The following MS4A15 variants were observed in gnomAD, a reference collection of about 807,000 sequenced individuals.
MS4A15 encodes the protein membrane-spanning 4-domains subfamily A member 15.
Under a neutral mutation model 20.6 loss-of-function variants are expected in MS4A15, and 22 were observed. That is an observed-to-expected ratio of 1.07 (90% CI 0.76 to 1.52). The LOEUF is 1.52. Ranked by LOEUF, MS4A15 falls within the 40% of genes most tolerant of loss-of-function variation. The pLI is 0.00. For synonymous variants in MS4A15, 129 were observed against 129.3 expected, an observed-to-expected ratio of 1.00 and a Z score of 0.02; for missense variants, 312 against 323.0, an observed-to-expected ratio of 0.97 and a Z score of 0.26.
At chr11:60,775,035 G>A (rs548050330) in intron 6 of MS4A15, among the ~76,000 whole-genome samples, 1 of 152,326 alleles carries the variant, frequency 6.6e-6, no homozygotes, top group East Asian at 1.9e-4. Flanking sequence ...GAACAGCAGA[G>A]CCGGACGTGG....
At chr11:60,770,609 TAA>T (rs780040224) in intron 3 of MS4A15, among the ~76,000 whole-genome samples, 1 of 133,966 alleles carries the variant, frequency 7.5e-6, no homozygotes, top group Admixed American at 7.4e-5. Context: ...GAAAATAAAA[TAA>T]AAAAAAAAAA....
At chr11:60,767,504 G>A (rs1368764532) in intron 2 of MS4A15, 29 bp from the exon 3 acceptor site, 7 of 1,486,982 alleles carry the variant, frequency 4.7e-6, no homozygotes, top group Non-Finnish European at 5.4e-6. Flanking sequence ...AACAGGGCCC[G>A]CGGCACTGAG....
At chr11:60,774,083 G>A (rs1005163103) in intron 6 of MS4A15, 133 bp downstream of exon 6, 14 of 688,126 alleles carry the variant, frequency 2.0e-5, no homozygotes, top group East Asian at 8.2e-5. Flanking sequence ...AAGAGACAGC[G>A]CTAGGAAGGG....
intron 4 of MS4A15, 100 bp from the exon 5 acceptor site, chr11:60,773,292 G>A (rs1417195798): frequency 3.3e-6 from 3 of 901,074 alleles, no homozygotes; most frequent in African/African-American, 1.7e-5. Flanking sequence ...CTTGGCTGTG[G>A]GAGGCAGCGT....
At chr11:60,773,274 A>T (rs545437465) in intron 4 of MS4A15, 118 bp from the exon 5 acceptor site, 50 of 714,138 alleles carry the variant, frequency 7.0e-5, no homozygotes, top group Non-Finnish European at 1.1e-4. Context: ...TGGTGTGGCC[A>T]CTGCCTCCTT....
rs768899225 is a variant in MS4A15, at chr11:60,775,670, G to A, written c.678G>A (p.Ala226=). ...ACATCCCCAGCCCGGCAGCCTCTGCGCCCCCTGCCTATGACAATGTGGCAT... is the reference window on the plus strand; with the variant it reads ...ACATCCCCAGCCCGGCAGCCTCTGCACCCCCTGCCTATGACAATGTGGCAT... The part of the protein sequence containing the change: ...DFNIPSPAAS[A]PPAYDNVAYA... Residue 226 remains alanine, a synonymous_variant, in exon 7 of 7, where the codon GCG becomes GCA. Transcript: ENST00000405633. 6.2e-6 allele frequency: 10 copies of A among 1,613,672 alleles called. No individual in the cohort carries two copies. The African/African-American group carries it at 1.1e-4, about 17-fold the overall frequency.
intron 5 of MS4A15, 65 bp from the exon 6 acceptor site, chr11:60,773,772 C>G: frequency 7.2e-7 from 1 of 1,384,190 alleles, no homozygotes; most frequent in South Asian, 1.2e-5. Context: ...GCAAGTGGTT[C>G]TCACTCGGGG....
chr11:60,757,090 A>G (rs1853616722), intron 1 of MS4A15, 32 bp downstream of exon 1: 1 of 152,228 alleles, frequency 6.6e-6, no homozygotes, highest in African/African-American at 2.4e-5. Context: ...CGTCAGGAGG[A>G]TGGGACCCAC....
At chr11:60,773,279 C>A in intron 4 of MS4A15, 113 bp from the exon 5 acceptor site, 1 of 767,104 alleles carries the variant, frequency 1.3e-6, no homozygotes, top group Non-Finnish European at 2.1e-6. Flanking sequence ...TGGCCACTGC[C>A]TCCTTGGCTG....
chr11:60,765,981 C>A lies in MS4A15; in HGVS notation c.226-1552C>A, dbSNP rs572184847. On this transcript the variant is annotated intron_variant, in intron 2 of 6. Coordinates refer to ENST00000405633, the MANE Select transcript of MS4A15 (RefSeq NM_001098835.2). The stretch of plus-strand genomic sequence containing the variant: ...TATGGAATGCCACCCGCTAAGAATA[C>A]CACTGCAGACTTAGCTGGCCTGCCG... 2.0e-5 allele frequency among the ~76,000 whole-genome samples: 3 copies of A among 152,264 alleles called. No homozygotes were observed. The South Asian group carries it at 6.2e-4, about 32-fold the overall frequency.
At chr11:60,766,017 G>A (rs2134712261) in intron 2 of MS4A15, among the ~76,000 whole-genome samples, 1 of 152,316 alleles carries the variant, frequency 6.6e-6, no homozygotes. Flanking sequence ...CCTCATAGCT[G>A]GGACACTTCG....
intron 6 of MS4A15, among the ~76,000 whole-genome samples, chr11:60,774,665 A>G (rs1854138269): frequency 6.6e-6 from 1 of 152,206 alleles, no homozygotes; most frequent in Admixed American, 6.5e-5. Flanking sequence ...AGAGATGGAA[A>G]TTAAGCTTTG....
intron 4 of MS4A15, 191 bp downstream of exon 4, chr11:60,771,538 G>A: frequency 6.5e-7 from 1 of 1,533,078 alleles, no homozygotes; most frequent in Non-Finnish European, 8.7e-7. Context: ...AAGAAGACAG[G>A]GATACTCTTT....
chr11:60,771,445 C>G (rs770168785), intron 4 of MS4A15, 98 bp downstream of exon 4: 1 of 1,571,074 alleles, frequency 6.4e-7, no homozygotes, highest in Non-Finnish European at 8.6e-7. Context: ...CAGCTCATTC[C>G]CCAGCACTTC....
chr11:60,768,198 G>GA (rs1322499347), intron 3 of MS4A15, among the ~76,000 whole-genome samples: 74 of 150,254 alleles, frequency 4.9e-4, no homozygotes, highest in Non-Finnish European at 7.6e-4. Flanking sequence ...ATCTCAAAAA[G>GA]AAAAAAAAAG....
rs553526894 is a variant in MS4A15, at chr11:60,764,677, G to A, written c.225+719G>A. Among the ~76,000 whole-genome samples the A allele has an allele frequency of 4.6e-5, 7 of 152,326 alleles. No homozygotes were observed. In the South Asian group the frequency reaches 6.2e-4, roughly 14 times the overall value. Reference sequence around the variant, plus strand: ...TGTAATCCCAGCACTTTGGGAGGCCGAGGCAGGCAGATCATGAAGTCAGGA... The same window carrying A: ...TGTAATCCCAGCACTTTGGGAGGCCAAGGCAGGCAGATCATGAAGTCAGGA... On this transcript the variant is annotated intron_variant, in intron 2 of 6. Coordinates refer to ENST00000405633, the MANE Select transcript of MS4A15 (RefSeq NM_001098835.2).
intron 1 of MS4A15, among the ~76,000 whole-genome samples, chr11:60,760,251 A>T (rs1184823808): frequency 1.3e-5 from 2 of 152,210 alleles, no homozygotes; most frequent in African/African-American, 4.8e-5. Context: ...ATTCAAGCTG[A>T]TCATGCTTTT....
intron 5 of MS4A15, 48 bp downstream of exon 5, chr11:60,773,532 C>A: frequency 1.3e-6 from 2 of 1,537,062 alleles, no homozygotes; most frequent in Non-Finnish European, 1.8e-6. Context: ...GAAAATGATG[C>A]AGCCATGTCC....
intron 4 of MS4A15, among the ~76,000 whole-genome samples, chr11:60,772,603 G>T (rs1277376884): frequency 6.6e-6 from 1 of 152,200 alleles, no homozygotes; most frequent in African/African-American, 2.4e-5. Context: ...CCTCCTGATT[G>T]CCATTTAAAA....
Sources: allele counts gnomAD v4.1 joint callset (sites outside exome capture counted in the v4.1 genomes callset), GRCh38; gene constraint gnomAD v4.1.1; transcripts MANE v1.5; gene names NCBI Gene and HGNC (gene_info 2026-07-23, HGNC 2026-07-21).